The following FGL1 variants were observed in gnomAD, a reference collection of about 807,000 sequenced individuals.
FGL1 encodes the protein fibrinogen like 1.
Under a neutral mutation model 43.7 loss-of-function variants are expected in FGL1, and 59 were observed. The ratio of observed to expected loss-of-function variants is 1.35; its 90% CI spans 1.10 to 1.68. The LOEUF (loss-of-function observed/expected upper bound fraction) is 1.68, where lower values mean the gene tolerates loss of function less well. Ranked by LOEUF, FGL1 falls within the 40% of genes most tolerant of loss-of-function variation. The pLI, the probability that FGL1 is intolerant of heterozygous loss-of-function variation, is 0.00. For synonymous variants in FGL1, 192 were observed against 126.5 expected (o/e 1.52, Z -3.48); for missense variants, 596 against 373.0 (o/e 1.60, Z -4.92).
chr8:17,885,824 C>T (rs912830395), intron 1 of FGL1: 38 of 426,552 alleles, frequency 8.9e-5, no homozygotes, highest in African/African-American at 7.1e-4. Context: ...TCCTAATGTG[C>T]TGTTTGTGTT....
At chr8:17,884,971 C>A (rs1056283500) in intron 2 of FGL1, among the ~76,000 whole-genome samples, 3 of 151,980 alleles carry the variant, frequency 2.0e-5, no homozygotes, top group Non-Finnish European at 4.4e-5. Context: ...AATATTCCAA[C>A]CAAATAACTC....
At chr8:17,875,547 T>TCTCTCTCTCTCTC (rs1563452433) in intron 3 of FGL1, among the ~76,000 whole-genome samples, 1 of 16,266 alleles carries the variant, frequency 6.1e-5, no homozygotes, top group African/African-American at 1.6e-4. Flanking sequence ...CTTTCTTTCT[T>TCTCTCTCTCTCTC]TCTTTCTTTC....
At chr8:17,891,208 T>C (rs2053700193) in intron 1 of FGL1, 1 of 152,112 alleles carries the variant, frequency 6.6e-6, no homozygotes, top group South Asian at 2.1e-4. Context: ...CCATAACAAA[T>C]TACCATAAAC....
At chr8:17,874,176 C>G (rs1050663755) in intron 4 of FGL1, 60 bp from the exon 5 acceptor site, 7 of 1,418,212 alleles carry the variant, frequency 4.9e-6, no homozygotes, top group East Asian at 2.3e-5. Context: ...CCAAAGCGAC[C>G]ACCACCCACC....
At chr8:17,881,962 T>A in intron 3 of FGL1, 37 bp downstream of exon 3, 1 of 1,585,736 alleles carries the variant, frequency 6.3e-7, no homozygotes, top group Non-Finnish European at 8.6e-7. Context: ...GTGCATAATG[T>A]AAGTTATAGA....
intron 1 of FGL1, among the ~76,000 whole-genome samples, chr8:17,890,297 C>T (rs1231751993): frequency 6.6e-6 from 1 of 152,158 alleles, no homozygotes; most frequent in African/African-American, 2.4e-5. Flanking sequence ...TGAGCCTTTC[C>T]TGGGCAAACC....
intron 1 of FGL1, among the ~76,000 whole-genome samples, chr8:17,889,264 C>G (rs998363402): frequency 6.6e-6 from 1 of 152,166 alleles, no homozygotes; most frequent in Non-Finnish European, 1.5e-5. Context: ...CTCTGCCGAA[C>G]TTTGGCTGGG....
chr8:17,874,414 C>A lies in FGL1; in HGVS notation c.352G>T (p.Gly118Ter). 6.2e-7 allele frequency: 1 copy of A among 1,614,144 alleles called. No individual in the cohort carries two copies. Among genetic ancestry groups the A allele is most frequent in the Non-Finnish European group, 8.5e-7 (1 of 1,179,990 alleles). Reference protein sequence around the residue: ...FSVYCDMSDGGGWTVIQRRSD... With the variant: ...FSVYCDMSDG ...CGTCTCTGAATTACAGTCCATCCTC[C>A]TCCATCGGACATGTCACAATAAACA... The change falls in exon 4 of 8, where the codon GGA becomes TGA. Residue 118 changes from glycine (G) to a stop codon, truncating the protein, a stop_gained. Transcript: ENST00000427924. LOFTEE classifies it high-confidence loss of function.
chr8:17,877,627 G>T (rs1218336756), intron 3 of FGL1, among the ~76,000 whole-genome samples: 1 of 150,632 alleles, frequency 6.6e-6, no homozygotes. Flanking sequence ...AAAAAAAAAG[G>T]ATAAAGGAAG....
At position 17,886,999 on chromosome 8, in the gene FGL1, C is replaced by T. The variant is rs112075789; in HGVS notation, c.-17-1428G>A. ...CTGTGCAGCCAGGTGAATGCTGCTTCTCGTACCCTTTCAGAATATGGAAGA... is the reference window on the plus strand; with the variant it reads ...CTGTGCAGCCAGGTGAATGCTGCTTTTCGTACCCTTTCAGAATATGGAAGA... On this transcript the variant is annotated intron_variant, in intron 1 of 7. Coordinates refer to ENST00000427924, the MANE Select transcript of FGL1 (RefSeq NM_004467.4). Among the ~76,000 whole-genome samples, 213 of 152,270 alleles carry T rather than the reference C, an allele frequency of 1.4e-3. 2 individuals are homozygous for T. Among genetic ancestry groups the T allele is most frequent in the Admixed American group, 5.0e-3 (76 of 15,286 alleles).
At chr8:17,875,582 T>C (rs1407998853) in intron 3 of FGL1, among the ~76,000 whole-genome samples, 7 of 26,306 alleles carry the variant, frequency 2.7e-4, no homozygotes, top group African/African-American at 4.1e-4. Flanking sequence ...TCTTTCTTTC[T>C]TTCTTTCTTT....
intron 1 of FGL1, 68 bp from the exon 2 acceptor site, chr8:17,885,639 T>C (rs755364464): frequency 6.6e-5 from 89 of 1,338,436 alleles, no homozygotes; most frequent in Non-Finnish European, 9.4e-5. Context: ...GAGTTCAGAC[T>C]TCAGTAGCTC....
rs185956351 is a variant in FGL1, at chr8:17,881,967, T to C, written c.244+32A>G. The C allele has an allele frequency of 8.1e-6, 13 of 1,597,296 alleles. No homozygotes were observed. The East Asian group carries it at 8.9e-5, about 11-fold the overall frequency. On this transcript the variant is annotated intron_variant, in intron 3 of 7. Transcript: ENST00000427924. ...CTGTACATGGGTGCATAATGTAAGT[T>C]ATAGAAACACTTAAGAAAAGTCCAT...
Position 17,873,673 on chromosome 8 carries a change from C to CTA in FGL1, c.502+344_502+345dup, listed in dbSNP as rs907939022. On this transcript the variant is annotated intron_variant, in intron 5 of 7. Coordinates refer to ENST00000427924, the MANE Select transcript of FGL1 (RefSeq NM_004467.4). ...TTCAGAAGTAGAATATATATATATT[C>CTA]TATATATATCTATAGATACATATAG... Among the ~76,000 whole-genome samples the CTA allele has an allele frequency of 1.3e-3, 175 of 136,840 alleles. 1 individual carries two copies. Among genetic ancestry groups the CTA allele is most frequent in the Non-Finnish European group, 2.1e-3 (134 of 63,878 alleles). 89.8% of individuals were successfully genotyped at this position (136,840 alleles called of 152,430 possible). A position where few individuals can be genotyped will look rare whatever the true frequency, so the allele number is the denominator to read the frequency against.
chr8:17,872,549 C>A (rs545621302), intron 5 of FGL1, among the ~76,000 whole-genome samples: 1 of 152,082 alleles, frequency 6.6e-6, no homozygotes, highest in Non-Finnish European at 1.5e-5. Flanking sequence ...GGGGTCCACC[C>A]ACCTCAGCAT....
intron 3 of FGL1, among the ~76,000 whole-genome samples, chr8:17,879,906 G>A (rs570348037): frequency 5.5e-4 from 84 of 152,256 alleles, no homozygotes; most frequent in African/African-American, 2.0e-3. Context: ...AACCTGCTCA[G>A]AATGTGTTCA....
intron 1 of FGL1, among the ~76,000 whole-genome samples, chr8:17,893,411 T>G (rs1392426507): frequency 6.7e-6 from 1 of 150,142 alleles, no homozygotes; most frequent in Non-Finnish European, 1.5e-5. Context: ...ACATAATATG[T>G]ATATATTATA....
chr8:17,870,836 G>T (rs929455128), intron 5 of FGL1, among the ~76,000 whole-genome samples: 1 of 151,754 alleles, frequency 6.6e-6, no homozygotes, highest in Non-Finnish European at 1.5e-5. Flanking sequence ...AATCCGGGAG[G>T]CAGAGGTTGC....
At chr8:17,873,184 A>C (rs1208119180) in intron 5 of FGL1, among the ~76,000 whole-genome samples, 1 of 152,192 alleles carries the variant, frequency 6.6e-6, no homozygotes. Context: ...CTTTTAAAAA[A>C]AAGTCTGAGC....
Sources: gnomAD v4.1 joint callset for allele counts (sites outside exome capture counted in the v4.1 genomes callset) on GRCh38, gnomAD v4.1.1 for gene constraint, MANE v1.5 for transcripts, NCBI Gene and HGNC (gene_info 2026-07-23, HGNC 2026-07-21) for gene names.